Variants in GALNT13 observed in about 807,000 individuals in gnomAD.
The protein encoded by GALNT13 is polypeptide N-acetylgalactosaminyltransferase 13.
In GALNT13, 28 loss-of-function variants were observed where a neutral mutation model predicts 64.2. That is an observed-to-expected ratio of 0.44 (90% CI 0.32 to 0.60). GALNT13 has a LOEUF of 0.60. Ranked by LOEUF, GALNT13 falls within the 20% of genes least tolerant of loss-of-function variation. The probability of loss-of-function intolerance (pLI) is 0.05; values close to 1 mark genes in which losing one functional copy is unlikely to be tolerated. For missense variants in GALNT13, 577 were observed against 669.8 expected (o/e 0.86, Z 1.53); for synonymous variants, 214 against 224.6 (o/e 0.95, Z 0.42).
At chr2:153,563,399 T>C in the GALNT13 span, among the ~76,000 whole-genome samples, 759 of 152,238 alleles carry the variant, frequency 5.0e-3, 3 homozygotes, top group African/African-American at 0.017. Context: ...TATCATCAGA[T>C]TTTTTAGTGG....
the GALNT13 span, among the ~76,000 whole-genome samples, chr2:153,695,856 AT>A: frequency 6.6e-6 from 1 of 152,066 alleles, no homozygotes; most frequent in South Asian, 2.1e-4. Flanking sequence ...GCTCTAGATA[AT>A]TTTTGTTTTG....
chr2:153,887,714 G>A (rs1476588971), intron 1 of GALNT13, among the ~76,000 whole-genome samples: 1 of 151,898 alleles, frequency 6.6e-6, no homozygotes, highest in Non-Finnish European at 1.5e-5. Flanking sequence ...TTTTTGTTAG[G>A]TGTTCTGTGT....
chr2:153,146,136 C>G, the GALNT13 span, among the ~76,000 whole-genome samples: 1 of 151,402 alleles, frequency 6.6e-6, no homozygotes, highest in African/African-American at 2.4e-5. Flanking sequence ...CCTGAATTTA[C>G]TCCAAGGCAA....
intron 9 of GALNT13, among the ~76,000 whole-genome samples, chr2:154,345,162 TC>T (rs1354718376): frequency 1.3e-5 from 2 of 152,072 alleles, no homozygotes; most frequent in African/African-American, 4.8e-5. Flanking sequence ...AGTGCTTCAC[TC>T]CTAAAGATAT....
the GALNT13 span, among the ~76,000 whole-genome samples, chr2:153,196,812 C>T: frequency 1.3e-5 from 2 of 152,124 alleles, no homozygotes; most frequent in South Asian, 4.1e-4. Flanking sequence ...CCTGCCGGCT[C>T]CATGGAGCAT....
intron 12 of GALNT13, among the ~76,000 whole-genome samples, chr2:154,439,854 G>A (rs971519312): frequency 6.6e-6 from 1 of 152,082 alleles, no homozygotes; most frequent in East Asian, 1.9e-4. Context: ...GGCCATAATT[G>A]AGGGCAAACA....
intron 3 of GALNT13, among the ~76,000 whole-genome samples, chr2:154,123,949 T>C (rs531774292): frequency 8.5e-5 from 13 of 152,092 alleles, no homozygotes; most frequent in Non-Finnish European, 1.6e-4. Flanking sequence ...AGTGTTTACA[T>C]GGGTATATAC....
the GALNT13 span, among the ~76,000 whole-genome samples, chr2:153,575,517 A>G: frequency 2.6e-5 from 4 of 152,158 alleles, no homozygotes; most frequent in South Asian, 8.3e-4. Flanking sequence ...CAGGGGCTAG[A>G]GTCAAAAAAC....
chr2:153,365,476 T>A, the GALNT13 span, among the ~76,000 whole-genome samples: 11 of 152,140 alleles, frequency 7.2e-5, no homozygotes, highest in African/African-American at 2.4e-4. Context: ...CGGAGAAAAT[T>A]TTTTTGCAAT....
At chr2:153,858,054 A>T in the GALNT13 span, among the ~76,000 whole-genome samples, 1 of 152,216 alleles carries the variant, frequency 6.6e-6, no homozygotes, top group East Asian at 1.9e-4. Context: ...GGAGGTAATA[A>T]CCACGGAGGA....
At chr2:154,186,035 T>C (rs1686231098) in intron 4 of GALNT13, among the ~76,000 whole-genome samples, 1 of 152,080 alleles carries the variant, frequency 6.6e-6, no homozygotes, top group Admixed American at 6.6e-5. Context: ...TTACATTGGC[T>C]AATAGCATCA....
chr2:153,855,912 G>T, the GALNT13 span, among the ~76,000 whole-genome samples: 2 of 152,286 alleles, frequency 1.3e-5, no homozygotes, highest in African/African-American at 4.8e-5. Flanking sequence ...AATAAGTGCT[G>T]ATGCATAGCA....
chr2:154,214,795 A>C (rs1573891719), intron 4 of GALNT13, among the ~76,000 whole-genome samples: 1 of 152,158 alleles, frequency 6.6e-6, no homozygotes, highest in Non-Finnish European at 1.5e-5. Flanking sequence ...ACTCGGTCTC[A>C]GGCAGTTATT....
At chr2:154,369,751 A>G (rs1697575939) in intron 9 of GALNT13, among the ~76,000 whole-genome samples, 1 of 152,184 alleles carries the variant, frequency 6.6e-6, no homozygotes, top group Admixed American at 6.6e-5. Context: ...CTTAAACAAC[A>G]GAAATTAATT....
the GALNT13 span, among the ~76,000 whole-genome samples, chr2:153,170,754 C>G: frequency 5.3e-5 from 8 of 152,118 alleles, no homozygotes; most frequent in Non-Finnish European, 1.2e-4. Flanking sequence ...CAGACTATAG[C>G]CCATAATGTT....
At chr2:154,456,268 T>C (rs1311656451), downstream of GALNT13, among the ~76,000 whole-genome samples, 1 of 151,886 alleles carries the variant, frequency 6.6e-6, no homozygotes, top group Non-Finnish European at 1.5e-5. Context: ...GTTTTAGATA[T>C]ATGCTTGGCA....
chr2:153,303,337 T>A, the GALNT13 span, among the ~76,000 whole-genome samples: 1 of 152,178 alleles, frequency 6.6e-6, no homozygotes, highest in South Asian at 2.1e-4. Flanking sequence ...CCCTGATTTC[T>A]TTTTTTGGAA....
intron 8 of GALNT13, among the ~76,000 whole-genome samples, chr2:154,280,806 T>C (rs1483346895): frequency 1.3e-5 from 2 of 152,170 alleles, no homozygotes; most frequent in Non-Finnish European, 2.9e-5. Context: ...GTTACTGATA[T>C]CTGAAAGGCA....
intron 10 of GALNT13, among the ~76,000 whole-genome samples, chr2:154,397,433 C>T (rs1252535755): frequency 6.6e-6 from 1 of 152,022 alleles, no homozygotes; most frequent in African/African-American, 2.4e-5. Flanking sequence ...AGTGAGACTC[C>T]AACGACAACA....
Sources: allele counts gnomAD v4.1 joint callset (sites outside exome capture counted in the v4.1 genomes callset), GRCh38; gene constraint gnomAD v4.1.1; transcripts MANE v1.5; gene names NCBI Gene and HGNC (gene_info 2026-07-23, HGNC 2026-07-21).